CELF2: variants seen among roughly 807,000 people sequenced by gnomAD.
The protein encoded by CELF2 is CUGBP Elav-like family member 2, also known as CUG triplet repeat RNA-binding protein 2.
Under a neutral mutation model 62.6 loss-of-function variants are expected in CELF2, and 8 were observed. The ratio of observed to expected loss-of-function variants is 0.13; its 90% CI spans 0.07 to 0.23. CELF2 has a LOEUF of 0.23. Among genes scored for constraint, CELF2 ranks in the 10% least tolerant of loss-of-function variants. CELF2 has a pLI of 1.00. For synonymous variants in CELF2, 258 were observed against 250.0 expected (o/e 1.03, Z -0.30); for missense variants, 333 against 671.0 (o/e 0.50, Z 5.56).
chr10:10,713,505 C>A, the CELF2 span, among the ~76,000 whole-genome samples: 1 of 152,188 alleles, frequency 6.6e-6, no homozygotes, highest in Non-Finnish European at 1.5e-5. Flanking sequence ...CATGTGCCTG[C>A]CTACCTGCAG....
At chr10:10,874,822 A>C (rs992530752) in intron 1 of CELF2, among the ~76,000 whole-genome samples, 3 of 152,242 alleles carry the variant, frequency 2.0e-5, no homozygotes, top group African/African-American at 7.2e-5. Context: ...CAAGCATTTC[A>C]ATACCTGTTC....
chr10:10,594,928 T>C, the CELF2 span, among the ~76,000 whole-genome samples: 3 of 151,492 alleles, frequency 2.0e-5, no homozygotes, highest in Non-Finnish European at 4.4e-5. Flanking sequence ...TTCATCTCTC[T>C]CCTTAGAAGA....
chr10:10,665,990 A>C, the CELF2 span, among the ~76,000 whole-genome samples: 1 of 152,210 alleles, frequency 6.6e-6, no homozygotes, highest in African/African-American at 2.4e-5. Flanking sequence ...ACGAAGAGTC[A>C]GGGACTTTCT....
At chr10:11,042,441 C>T (rs552625692) in intron 1 of CELF2, among the ~76,000 whole-genome samples, 5 of 152,292 alleles carry the variant, frequency 3.3e-5, no homozygotes, top group Admixed American at 1.3e-4. Context: ...CTTCTAACAG[C>T]ATAGACTCAC....
At chr10:10,922,640 C>G (rs898017201) in intron 2 of CELF2, 14 of 152,186 alleles carry the variant, frequency 9.2e-5, no homozygotes, top group African/African-American at 3.1e-4. Context: ...AGAGGCTGCT[C>G]TCTTCTTAGG....
the CELF2 span, among the ~76,000 whole-genome samples, chr10:10,650,826 G>A: frequency 5.3e-5 from 8 of 152,286 alleles, no homozygotes; most frequent in Admixed American, 4.6e-4. Context: ...TCCACTCCTA[G>A]GTATGTACCT....
At chr10:11,089,269 C>G (rs868560574) in intron 1 of CELF2, among the ~76,000 whole-genome samples, 1 of 152,172 alleles carries the variant, frequency 6.6e-6, no homozygotes, top group African/African-American at 2.4e-5. Flanking sequence ...TGGAGGTTGG[C>G]AGCCGATGGC....
At position 11,207,544 on chromosome 10, in the gene CELF2, G is replaced by A. The variant is rs2060728854; in HGVS notation, c.272-9881G>A. Among the ~76,000 whole-genome samples the A allele has an allele frequency of 6.6e-6, 1 of 152,270 alleles. No individual in the cohort carries two copies. The highest frequency in any genetic ancestry group is 2.1e-4 in the South Asian group (1 of 4,838). On this transcript the variant is annotated intron_variant, in intron 2 of 12. Transcript: ENST00000633077. This position sits in a 1 kb window ranked among gnomAD's most constrained non-coding sequence, Gnocchi z 4.1. ...GCGAGGAATCTTGCAGGGAAAGTGA[G>A]GAAGGATGTTGGTGGAGCATCGCAC... is the stretch of plus-strand genomic sequence containing the variant.
chr10:10,718,319 C>T, the CELF2 span, among the ~76,000 whole-genome samples: 1 of 152,066 alleles, frequency 6.6e-6, no homozygotes, highest in Non-Finnish European at 1.5e-5. Context: ...CTCAATTCCC[C>T]ACAGACAAAT....
Position 11,223,274 on chromosome 10 carries a change from C to T in CELF2, c.354+5767C>T, listed in dbSNP as rs566065045. ...AGGAGCTTCCTGAGCCATGAGGAAA[C>T]ATGCCTCAAAAGGCACTGTGTCTGC... On this transcript the variant is annotated intron_variant, in intron 3 of 12. Coordinates refer to ENST00000633077, the MANE Select transcript of CELF2 (RefSeq NM_001326342.2). The surrounding 1 kb of genome is among the most constrained non-coding windows in gnomAD (Gnocchi z 5.1). Among the ~76,000 whole-genome samples the T allele has an allele frequency of 7.0e-4, 107 of 152,360 alleles. No individual in the cohort carries two copies. The highest frequency in any genetic ancestry group is 2.5e-3 in the African/African-American group (104 of 41,586).
At chr10:10,625,955 A>G in the CELF2 span, among the ~76,000 whole-genome samples, 1 of 152,020 alleles carries the variant, frequency 6.6e-6, no homozygotes, top group African/African-American at 2.4e-5. Context: ...TGTCTGCGAA[A>G]GTCAAACCTG....
intron 1 of CELF2, among the ~76,000 whole-genome samples, chr10:11,065,677 A>T (rs1594459984): frequency 1.3e-5 from 2 of 149,516 alleles, no homozygotes; most frequent in African/African-American, 4.8e-5. Context: ...ATGGAGCATC[A>T]GTGAACAAGA....
the CELF2 span, among the ~76,000 whole-genome samples, chr10:10,621,157 T>C: frequency 6.9e-6 from 1 of 144,932 alleles, no homozygotes; most frequent in Non-Finnish European, 1.5e-5. Flanking sequence ...GGCAGGAGAA[T>C]GGCGTGAACC....
At chr10:10,927,725 A>G (rs1832327082) in intron 2 of CELF2, among the ~76,000 whole-genome samples, 1 of 152,028 alleles carries the variant, frequency 6.6e-6, no homozygotes, top group African/African-American at 2.4e-5. Context: ...TACCATGCCC[A>G]ACCTAAAATT....
chr10:10,863,274 G>A lies in CELF2; in HGVS notation c.54-56690G>A, dbSNP rs953892330. 7.9e-5 allele frequency among the ~76,000 whole-genome samples: 12 copies of A among 152,296 alleles called. No homozygotes were observed. The East Asian group carries it at 9.6e-4, about 12-fold the overall frequency. On this transcript the variant is annotated intron_variant, in intron 1 of 13. Coordinates refer to the CELF2 transcript ENST00000636488. ...ATTAATCCTCAAATTAACCCTGTGA[G>A]GAAGGTATCATTAAAATTATACAAT... is the stretch of plus-strand genomic sequence containing the variant.
chr10:11,316,013 G>A lies in CELF2; in HGVS notation c.1096+1755G>A, dbSNP rs1032024229. ...ATGACTGGTGTGTGTGTGTCCTCTCGTCTGCGTCCCGCCCTGTCCACGCTG... is the reference window on the plus strand; with the variant it reads ...ATGACTGGTGTGTGTGTGTCCTCTCATCTGCGTCCCGCCCTGTCCACGCTG... On this transcript the variant is annotated intron_variant, in intron 10 of 12. Transcript: ENST00000633077. The surrounding 1 kb of genome is among the most constrained non-coding windows in gnomAD (Gnocchi z 4.4). Among the ~76,000 whole-genome samples, 5 of 152,194 alleles carry A rather than the reference G, an allele frequency of 3.3e-5. No individual in the cohort carries two copies. Among genetic ancestry groups the A allele is most frequent in the South Asian group, 4.1e-4 (2 of 4,834 alleles).
intron 1 of CELF2, among the ~76,000 whole-genome samples, chr10:11,065,572 G>C (rs1481080276): frequency 6.6e-6 from 1 of 152,118 alleles, no homozygotes; most frequent in Non-Finnish European, 1.5e-5. Context: ...ATGAGGGGGG[G>C]ATCCCACAAG....
At chr10:10,735,646 T>G in the CELF2 span, among the ~76,000 whole-genome samples, 1 of 152,192 alleles carries the variant, frequency 6.6e-6, no homozygotes, top group African/African-American at 2.4e-5. Flanking sequence ...GAATGCATCA[T>G]CCCCATGACG....
the CELF2 span, among the ~76,000 whole-genome samples, chr10:10,751,141 T>C: frequency 5.3e-5 from 8 of 152,246 alleles, no homozygotes; most frequent in South Asian, 8.3e-4. Flanking sequence ...CTGAGAAATA[T>C]TGGAGTGCTG....
Sources: gnomAD v4.1 joint callset for allele counts (sites outside exome capture counted in the v4.1 genomes callset) on GRCh38, gnomAD v4.1.1 for gene constraint, Gnocchi (gnomAD v3.1) non-coding constraint, MANE v1.5 for transcripts, NCBI Gene and HGNC (gene_info 2026-07-23, HGNC 2026-07-21) for gene names.